Variants in KAZN observed in about 807,000 individuals in gnomAD.
KAZN encodes the protein kazrin, periplakin interacting protein, also known as kazrin.
KAZN carries 40 observed loss-of-function variants against 87.4 expected under a neutral mutation model. The ratio of observed to expected loss-of-function variants is 0.46; its 90% CI spans 0.36 to 0.60. The LOEUF (loss-of-function observed/expected upper bound fraction) is 0.60. KAZN is among the 20% of genes least tolerant of loss of function. The probability of loss-of-function intolerance (pLI) is 0.00; values close to 1 mark genes in which losing one functional copy is unlikely to be tolerated. For missense variants in KAZN, 898 were observed against 1,073.9 expected (o/e 0.84, Z 2.29); for synonymous variants, 466 against 458.3 (o/e 1.02, Z -0.22).
At position 14,544,845 on chromosome 1, in the gene KAZN, T is replaced by C. The variant is rs535240721; in HGVS notation, c.250-54138T>C. Among the ~76,000 whole-genome samples, 6 of 152,108 alleles carry C rather than the reference T, an allele frequency of 3.9e-5. No homozygotes were observed. The East Asian group carries it at 1.2e-3, about 29-fold the overall frequency. On this transcript the variant is annotated intron_variant, in intron 2 of 16. Transcript: ENST00000636203. ...TCTGCCTCCCAAAGTGCTGGGATTA[T>C]AGGTGTAAGCCACCTCGCCTGGCCC...
intron 1 of KAZN, among the ~76,000 whole-genome samples, chr1:14,778,855 C>T (rs1019530836): frequency 3.9e-5 from 6 of 152,136 alleles, no homozygotes; most frequent in Admixed American, 1.3e-4. Context: ...CACATGCAGC[C>T]GGCAGGAACT....
chr1:14,195,791 G>A (rs1397613392), intron 2 of KAZN, among the ~76,000 whole-genome samples: 3 of 152,100 alleles, frequency 2.0e-5, no homozygotes, highest in Non-Finnish European at 4.4e-5. Context: ...TGTATGCTAG[G>A]CATAGTTAAG....
intron 1 of KAZN, among the ~76,000 whole-genome samples, chr1:14,825,184 C>A (rs1646848591): frequency 6.6e-6 from 1 of 152,234 alleles, no homozygotes; most frequent in East Asian, 1.9e-4. Flanking sequence ...TGGACCATCC[C>A]TGAGGCCGCG....
At chr1:14,596,305 TGC>T (rs776565398), upstream of KAZN, among the ~76,000 whole-genome samples, 7 of 70,398 alleles carry the variant, frequency 9.9e-5, no homozygotes, top group East Asian at 3.8e-4. Flanking sequence ...CGCACACGTG[TGC>T]GCACACACAC....
Position 14,858,203 on chromosome 1 carries a change from C to CTTTTTTTTTTT in KAZN, c.227-102476_227-102475insTTTTTTTTTTT, listed in dbSNP as rs1388659468. On this transcript the variant is annotated intron_variant, in intron 1 of 14. Coordinates refer to ENST00000376030, the MANE Select transcript of KAZN (RefSeq NM_201628.3). The stretch of plus-strand genomic sequence containing the variant: ...ACATTTCTTTCTTTTTTTCTTTTTT[C>CTTTTTTTTTTT]TTTTTCTTTTCTTTTTTTTTTTTTT... 3.8e-4 allele frequency among the ~76,000 whole-genome samples: 36 copies of CTTTTTTTTTTT among 95,098 alleles called. 4 individuals are homozygous for CTTTTTTTTTTT. Among genetic ancestry groups the CTTTTTTTTTTT allele is most frequent in the African/African-American group, 1.5e-3 (28 of 18,910 alleles). The allele number at this position is 95,098 out of a possible 152,430, so 62.4% of individuals were successfully genotyped here.
chr1:14,729,332 C>A (rs1643569679), intron 1 of KAZN, among the ~76,000 whole-genome samples: 1 of 152,206 alleles, frequency 6.6e-6, no homozygotes, highest in South Asian at 2.1e-4. Flanking sequence ...AGAGATTTAT[C>A]CAAGACGTGC....
intron 1 of KAZN, among the ~76,000 whole-genome samples, chr1:14,803,693 C>T (rs112437623): frequency 7.9e-5 from 12 of 152,360 alleles, no homozygotes; most frequent in African/African-American, 1.4e-4. Flanking sequence ...TGCTTTACGA[C>T]GGCACCTCCC....
At chr1:14,163,800 T>C (rs1645762558) in intron 1 of KAZN, among the ~76,000 whole-genome samples, 1 of 152,214 alleles carries the variant, frequency 6.6e-6, no homozygotes, top group Non-Finnish European at 1.5e-5. Flanking sequence ...GCTTATTCGA[T>C]ATATTTTCTA....
At chr1:14,834,808 T>TTATTAGTATTAGTATTAG (rs3863764) in intron 1 of KAZN, among the ~76,000 whole-genome samples, 18 of 151,634 alleles carry the variant, frequency 1.2e-4, no homozygotes, top group Admixed American at 3.3e-4. Flanking sequence ...CCTAGGGGAA[T>TTATTAGTATTAGTATTAG]TATTAGTATT....
At chr1:14,395,249 C>T (rs950557581) in intron 2 of KAZN, among the ~76,000 whole-genome samples, 3 of 152,094 alleles carry the variant, frequency 2.0e-5, no homozygotes. Flanking sequence ...CATATCACCT[C>T]GAATGAAACA....
chr1:13,907,930 A>C (rs1639508368), intron 1 of KAZN, among the ~76,000 whole-genome samples: 1 of 152,244 alleles, frequency 6.6e-6, no homozygotes, highest in Non-Finnish European at 1.5e-5. Context: ...GTCCTAAACA[A>C]GAGCTGATTC....
At chr1:14,691,232 G>C (rs1641289493) in intron 1 of KAZN, among the ~76,000 whole-genome samples, 1 of 152,046 alleles carries the variant, frequency 6.6e-6, no homozygotes, top group Admixed American at 6.6e-5. Flanking sequence ...CTTATATTTA[G>C]GTGTCCTGGT....
intron 1 of KAZN, among the ~76,000 whole-genome samples, chr1:13,941,411 C>T (rs1640922944): frequency 6.6e-6 from 1 of 151,788 alleles, no homozygotes; most frequent in African/African-American, 2.4e-5. Flanking sequence ...CAGTCCTCAG[C>T]TACATGTGGT....
In KAZN at chr1:15,096,751, G is replaced by A. The variant is rs1298360855; in HGVS notation, c.1547+1818G>A. Among the ~76,000 whole-genome samples the A allele has an allele frequency of 6.6e-6, 1 of 152,180 alleles. No individual in the cohort carries two copies. The highest frequency in any genetic ancestry group is 1.5e-5 in the Non-Finnish European group (1 of 68,028). On this transcript the variant is annotated intron_variant, in intron 10 of 14. Transcript: ENST00000376030. This position sits in a 1 kb window ranked among gnomAD's most constrained non-coding sequence, Gnocchi z 4.5. ...GGAAGAGGGAGGGGGAGAGAGTGAT[G>A]TCTCTGGTCTCTTCCTGTAAGGACA...
chr1:14,642,399 C>CA (rs1228542402), intron 1 of KAZN, among the ~76,000 whole-genome samples: 1 of 151,962 alleles, frequency 6.6e-6, no homozygotes, highest in Non-Finnish European at 1.5e-5. Context: ...GACTCCATCT[C>CA]AAAAAATAAA....
intron 1 of KAZN, among the ~76,000 whole-genome samples, chr1:13,944,648 A>C (rs1641066935): frequency 6.6e-6 from 1 of 152,222 alleles, no homozygotes; most frequent in Non-Finnish European, 1.5e-5. Context: ...AAAGCAGTAA[A>C]AGTAGTAATT....
intron 1 of KAZN, among the ~76,000 whole-genome samples, chr1:14,850,823 A>G (rs1232477849): frequency 6.6e-6 from 1 of 152,084 alleles, no homozygotes. Flanking sequence ...TGACCACCAG[A>G]TCCCTCCCCT....
At chr1:14,888,632 C>T (rs1228953158) in intron 1 of KAZN, among the ~76,000 whole-genome samples, 1 of 152,068 alleles carries the variant, frequency 6.6e-6, no homozygotes, top group African/African-American at 2.4e-5. Context: ...AAATGACCAC[C>T]CCCTCTGAGC....
At chr1:14,358,717 C>T (rs1029937926) in intron 2 of KAZN, among the ~76,000 whole-genome samples, 23 of 152,096 alleles carry the variant, frequency 1.5e-4, no homozygotes, top group Admixed American at 1.4e-3. Context: ...GTTCAGTTTC[C>T]ATGTAGTTGT....
Sources: allele counts gnomAD v4.1 joint callset (sites outside exome capture counted in the v4.1 genomes callset), GRCh38; gene constraint gnomAD v4.1.1; non-coding constraint Gnocchi (gnomAD v3.1); transcripts MANE v1.5; gene names NCBI Gene and HGNC (gene_info 2026-07-23, HGNC 2026-07-21).